Variants in STK32B observed in about 807,000 individuals in gnomAD.
STK32B encodes the protein serine/threonine-protein kinase 32B.
STK32B carries 43 observed loss-of-function variants against 52.6 expected under a neutral mutation model. That is an observed-to-expected ratio of 0.82 (90% CI 0.64 to 1.05). STK32B has a LOEUF of 1.05. Among genes scored for constraint, STK32B ranks in the 50% least tolerant of loss-of-function variants. The pLI is 0.00. For missense variants in STK32B, 621 were observed against 534.6 expected, an observed-to-expected ratio of 1.16 and a Z score of -1.59; for synonymous variants, 238 against 204.3, an observed-to-expected ratio of 1.17 and a Z score of -1.41.
chr4:5,432,254 A>G (rs1355575464), intron 6 of STK32B: 1 of 152,222 alleles, frequency 6.6e-6, no homozygotes, highest in East Asian at 1.9e-4. Context: ...GTTCTTTGCC[A>G]CTATGATGCA....
intron 4 of STK32B, among the ~76,000 whole-genome samples, chr4:5,377,804 A>G (rs919822694): frequency 6.6e-6 from 1 of 152,192 alleles, no homozygotes; most frequent in African/African-American, 2.4e-5. Context: ...CCCATCTGCC[A>G]TGATTGTCAG....
chr4:5,180,898 AT>A (rs1022328901), intron 3 of STK32B, among the ~76,000 whole-genome samples: 1 of 152,172 alleles, frequency 6.6e-6, no homozygotes, highest in African/African-American at 2.4e-5. Flanking sequence ...GTCAAGTGCA[AT>A]ATTTTCACTT....
intron 4 of STK32B, among the ~76,000 whole-genome samples, chr4:5,358,914 G>T (rs1015793476): frequency 6.6e-5 from 10 of 152,116 alleles, no homozygotes; most frequent in Non-Finnish European, 1.3e-4. Context: ...GTTTTGCCTG[G>T]GCTCATACAG....
chr4:5,048,511 G>A (rs1403456653), upstream of STK32B, among the ~76,000 whole-genome samples: 1 of 152,130 alleles, frequency 6.6e-6, no homozygotes, highest in East Asian at 1.9e-4. Flanking sequence ...TGGCTAAGCT[G>A]GTCTCGAACT....
chr4:5,493,420 G>C (rs1719921896), intron 11 of STK32B, among the ~76,000 whole-genome samples: 1 of 152,080 alleles, frequency 6.6e-6, no homozygotes, highest in Non-Finnish European at 1.5e-5. Flanking sequence ...GGGATCGGTG[G>C]TGATATCCTT....
At chr4:5,366,593 G>A (rs1734895481) in intron 4 of STK32B, among the ~76,000 whole-genome samples, 1 of 152,214 alleles carries the variant, frequency 6.6e-6, no homozygotes, top group Admixed American at 6.5e-5. Flanking sequence ...ACCGAGGAGG[G>A]CAAGAGGCAC....
At chr4:5,140,334 A>T in intron 2 of STK32B, 2 of 1,246,574 alleles carry the variant, frequency 1.6e-6, no homozygotes, top group Middle Eastern at 2.3e-4. Flanking sequence ...ATCTTTGACT[A>T]TTTTTTTTGA....
intron 4 of STK32B, among the ~76,000 whole-genome samples, chr4:5,359,409 C>CTCCA (rs1335470875): frequency 1.1e-4 from 17 of 150,742 alleles, no homozygotes; most frequent in African/African-American, 4.2e-4. Context: ...CCCTCCCTCC[C>CTCCA]TCCATCCACC....
chr4:5,020,935 T>G, the STK32B span, among the ~76,000 whole-genome samples: 1 of 152,260 alleles, frequency 6.6e-6, no homozygotes, highest in East Asian at 1.9e-4. Flanking sequence ...GAGCTATGTC[T>G]GGACTTTCCT....
Position 5,195,400 on chromosome 4 carries a change from A to C in STK32B, c.260+26950A>C, listed in dbSNP as rs1191744589. On this transcript the variant is annotated intron_variant, in intron 3 of 11. Coordinates refer to ENST00000282908, the MANE Select transcript of STK32B (RefSeq NM_018401.3). ...TGGGCACTTTTCAACCAGTAAAAGA[A>C]TATTAGAATGGGCCGGGTGCAGTGG... 2.0e-5 allele frequency among the ~76,000 whole-genome samples: 3 copies of C among 152,314 alleles called. No homozygotes were observed. In the East Asian group the frequency reaches 5.8e-4, roughly 29 times the overall value.
intron 11 of STK32B, among the ~76,000 whole-genome samples, chr4:5,473,711 A>G (rs938945097): frequency 3.3e-5 from 5 of 152,210 alleles, no homozygotes; most frequent in Non-Finnish European, 5.9e-5. Context: ...TAACATGACC[A>G]CAATGCATCC....
chr4:5,130,712 C>T (rs757264985), intron 1 of STK32B, among the ~76,000 whole-genome samples: 16 of 152,194 alleles, frequency 1.1e-4, no homozygotes, highest in African/African-American at 2.6e-4. Context: ...TTTTTTAAGG[C>T]GCTGCTGAGG....
At chr4:5,022,448 C>A in the STK32B span, among the ~76,000 whole-genome samples, 2 of 152,198 alleles carry the variant, frequency 1.3e-5, no homozygotes, top group Non-Finnish European at 2.9e-5. Context: ...CACGTGTGTT[C>A]TGTTCTCAAA....
rs745729733 is a variant in STK32B at position 5,446,768 on chromosome 4, C to T, written c.658C>T (p.Arg220Trp). 46 of 1,613,740 alleles carry T rather than the reference C, an allele frequency of 2.9e-5. No homozygotes were observed. Among genetic ancestry groups the T allele is most frequent in the African/African-American group, 8.0e-5 (6 of 74,864 alleles). Residue 220 changes from arginine (R) to tryptophan (W), a missense_variant, in exon 7 of 12, where the codon CGG (arginine) becomes TGG (tryptophan). Transcript: ENST00000282908. Reference sequence around the variant, plus strand: ...GGGCATCACAGCCTATGAGCTGCTGCGGGGCTGGGTAAGACAGGCACCTGT... The same window carrying T: ...GGGCATCACAGCCTATGAGCTGCTGTGGGGCTGGGTAAGACAGGCACCTGT... The part of the protein sequence containing the change: ...SLGITAYELL[R>W]GWRPYEIHSV...
intron 3 of STK32B, among the ~76,000 whole-genome samples, chr4:5,265,393 A>G (rs1726994632): frequency 6.6e-6 from 1 of 152,230 alleles, no homozygotes; most frequent in South Asian, 2.1e-4. Context: ...AGACACAGAA[A>G]TGTGATGCCC....
intron 4 of STK32B, among the ~76,000 whole-genome samples, chr4:5,352,560 T>C (rs1479010615): frequency 6.7e-6 from 1 of 149,280 alleles, no homozygotes; most frequent in East Asian, 2.0e-4. Flanking sequence ...CTTTTACCAC[T>C]CCTATTCAAC....
chr4:5,373,908 T>C (rs550936144), intron 4 of STK32B, among the ~76,000 whole-genome samples: 2 of 152,224 alleles, frequency 1.3e-5, no homozygotes, highest in South Asian at 4.1e-4. Context: ...TTGAATTGTG[T>C]TCCCCCAAAA....
chr4:5,275,801 C>T (rs1207836789), intron 3 of STK32B, among the ~76,000 whole-genome samples: 1 of 151,868 alleles, frequency 6.6e-6, no homozygotes, highest in East Asian at 1.9e-4. Flanking sequence ...CTGGTGGTGC[C>T]GAGGTCACTG....
At chr4:5,440,010 T>TG (rs1405176230) in intron 6 of STK32B, among the ~76,000 whole-genome samples, 1 of 152,212 alleles carries the variant, frequency 6.6e-6, no homozygotes, top group African/African-American at 2.4e-5. Flanking sequence ...ACTGTAGTCT[T>TG]GTAGTATAGT....
Sources: allele counts gnomAD v4.1 joint callset (sites outside exome capture counted in the v4.1 genomes callset), GRCh38; gene constraint gnomAD v4.1.1; transcripts MANE v1.5; gene names NCBI Gene and HGNC (gene_info 2026-07-23, HGNC 2026-07-21).